KLHL22: variants seen among roughly 807,000 people sequenced by gnomAD.
KLHL22 encodes the protein kelch like family member 22, also known as kelch-like protein 22.
KLHL22 carries 18 observed loss-of-function variants against 60.7 expected under a neutral mutation model. The ratio of observed to expected loss-of-function variants is 0.30; its 90% confidence interval spans 0.20 to 0.44. The LOEUF (loss-of-function observed/expected upper bound fraction) is 0.44, where lower values mean the gene tolerates loss of function less well. KLHL22 is among the 20% of genes least tolerant of loss of function. KLHL22 has a pLI of 1.00. For missense variants in KLHL22, 596 were observed against 852.3 expected, an observed-to-expected ratio of 0.70 and a Z score of 3.74; for synonymous variants, 355 against 354.5, an observed-to-expected ratio of 1.00 and a Z score of -0.01.
chr22:20,451,482 T>C lies in KLHL22; in HGVS notation c.1306-4806A>G, dbSNP rs1396989337. On this transcript the variant is annotated intron_variant, in intron 5 of 6. Coordinates refer to ENST00000328879, the MANE Select transcript of KLHL22 (RefSeq NM_032775.4). ...ACCCTCATACAGGACACTGGACTAA[T>C]GTTACACCAATGGCCACCAAGCGTT... is the stretch of plus-strand genomic sequence containing the variant. 1.9e-6 allele frequency: 3 copies of C among 1,598,988 alleles called. No individual in the cohort carries two copies. The South Asian group carries it at 3.3e-5, about 18-fold the overall frequency.
intron 5 of KLHL22, among the ~76,000 whole-genome samples, chr22:20,452,317 C>G (rs576118875): frequency 6.6e-6 from 1 of 151,744 alleles, no homozygotes; most frequent in African/African-American, 2.4e-5. Flanking sequence ...AGGGGCAACA[C>G]AGTTCCATTC....
chr22:20,446,485 C>T lies in KLHL22; in HGVS notation c.1497G>A (p.Gly499=). ...ATLLNKLYVI[G]GSNNDAGYRR... is the part of the protein sequence containing the mutation. ...TGTATCCGGCATCGTTGTTGCTGCC[C>T]CCGATCACATACAGCTTGTTGAGGA... Residue 499 remains glycine, a synonymous_variant, in exon 6 of 7, where the codon GGG becomes GGA. Coordinates refer to ENST00000328879, the MANE Select transcript of KLHL22 (RefSeq NM_032775.4). 6.2e-7 allele frequency: 1 copy of T among 1,612,536 alleles called. No homozygotes were observed.
chr22:20,489,194 C>CT lies in KLHL22; in HGVS notation c.17dup (p.Phe7ValfsTer135). The CT allele has an allele frequency of 6.2e-7, 1 of 1,614,030 alleles. No homozygotes were observed. Among genetic ancestry groups the CT allele is most frequent in the Non-Finnish European group, 8.5e-7 (1 of 1,179,986 alleles). ...CAGGCAACTTGCAGAGCTGGGTGAA[C>CT]TCCTGCTCCTCTGCCATCCTGACAG... On this transcript the variant is annotated frameshift_variant, in exon 2 of 7. Coordinates refer to ENST00000328879, the MANE Select transcript of KLHL22 (RefSeq NM_032775.4). LOFTEE classifies it high-confidence loss of function.
chr22:20,451,881 G>C, intron 5 of KLHL22: 1 of 1,458,440 alleles, frequency 6.9e-7, no homozygotes, highest in Non-Finnish European at 9.6e-7. Context: ...GTTAGTGGGA[G>C]AATCAAGAAT....
rs9623740 is a variant in KLHL22 at position 20,482,596 on chromosome 22, G to A, written c.227+6389C>T. On this transcript the variant is annotated intron_variant, in intron 2 of 6. Coordinates refer to ENST00000328879, the MANE Select transcript of KLHL22 (RefSeq NM_032775.4). ...TTGTTTTTCTTTTTTTTTTTGAGACGGAGTCTCACTCTGTCGCCCAGGCTG... is the reference window on the plus strand; with the variant it reads ...TTGTTTTTCTTTTTTTTTTTGAGACAGAGTCTCACTCTGTCGCCCAGGCTG... Among the ~76,000 whole-genome samples the A allele has an allele frequency of 5.6e-3, 850 of 151,074 alleles. 8 individuals are homozygous for A. The highest frequency in any genetic ancestry group is 0.019 in the African/African-American group (793 of 41,102).
At chr22:20,449,778 C>A (rs1216677442) in intron 5 of KLHL22, among the ~76,000 whole-genome samples, 3 of 152,178 alleles carry the variant, frequency 2.0e-5, no homozygotes, top group Non-Finnish European at 4.4e-5. Context: ...AGGTGGTTTG[C>A]AAATATTTTT....
At chr22:20,487,574 G>A (rs1170823801) in intron 2 of KLHL22, among the ~76,000 whole-genome samples, 1 of 151,734 alleles carries the variant, frequency 6.6e-6, no homozygotes, top group Non-Finnish European at 1.5e-5. Context: ...AATGACTCTG[G>A]GCTCTTCCAA....
At chr22:20,460,320 C>T (rs1461342076) in intron 4 of KLHL22, among the ~76,000 whole-genome samples, 1 of 152,118 alleles carries the variant, frequency 6.6e-6, no homozygotes, top group Non-Finnish European at 1.5e-5. Flanking sequence ...TTTAAAGACA[C>T]ACACAGGGCC....
intron 2 of KLHL22, chr22:20,484,219 TGGACCTCA>T (rs2053551112): frequency 3.6e-5 from 16 of 441,814 alleles, no homozygotes; most frequent in South Asian, 2.9e-4. Flanking sequence ...TCTCCAACTC[TGGACCTCA>T]GGTGATCCAC....
At chr22:20,487,855 G>A (rs1196054730) in intron 2 of KLHL22, among the ~76,000 whole-genome samples, 6 of 152,126 alleles carry the variant, frequency 3.9e-5, no homozygotes, top group Non-Finnish European at 8.8e-5. Context: ...GAGCCCAGGG[G>A]ATCCCATAGG....
At chr22:20,450,516 T>C (rs867399199) in intron 5 of KLHL22, 6 of 1,614,056 alleles carry the variant, frequency 3.7e-6, no homozygotes, top group Middle Eastern at 1.6e-4. Flanking sequence ...TGGACCCTTC[T>C]AATTGCCTGG....
At chr22:20,478,046 G>A (rs2053441289) in intron 2 of KLHL22, among the ~76,000 whole-genome samples, 1 of 152,084 alleles carries the variant, frequency 6.6e-6, no homozygotes, top group Non-Finnish European at 1.5e-5. Flanking sequence ...TTTAAGCCAA[G>A]AGCACAGTTG....
At chr22:20,488,627 G>A (rs2053626441) in intron 2 of KLHL22, 1 of 272,486 alleles carries the variant, frequency 3.7e-6, no homozygotes, top group Admixed American at 5.5e-5. Context: ...AGAGGTGTGA[G>A]CCAGAAGGTG....
intron 5 of KLHL22, chr22:20,450,741 G>A (rs2052963634): frequency 7.6e-7 from 1 of 1,319,800 alleles, no homozygotes; most frequent in Non-Finnish European, 1.1e-6. Context: ...AGCATGCCAA[G>A]AAAGAGCAGA....
chr22:20,450,860 G>C, intron 5 of KLHL22: 1 of 1,609,718 alleles, frequency 6.2e-7, no homozygotes, highest in East Asian at 2.2e-5. Context: ...GGTTTACAAT[G>C]CAGGGATCTG....
In KLHL22 at chr22:20,441,944, A is replaced by G; in HGVS notation, c.*129T>C. The stretch of plus-strand genomic sequence containing the variant: ...AGGGGCTGGTGTGAAGAAAGAGGGC[A>G]GGGCCCATAAGCTGTGGCCAACAGG... On this transcript the variant is annotated 3_prime_UTR_variant, in exon 7 of 7. Coordinates refer to ENST00000328879, the MANE Select transcript of KLHL22 (RefSeq NM_032775.4). 1.1e-6 allele frequency: 1 copy of G among 907,506 alleles called. No homozygotes were observed. Among genetic ancestry groups the G allele is most frequent in the Non-Finnish European group, 1.6e-6 (1 of 632,914 alleles). The allele number at this position is 907,506 out of a possible 1,614,324, so 56.2% of individuals were successfully genotyped here.
chr22:20,490,186 C>A (rs1035530239), intron 1 of KLHL22, among the ~76,000 whole-genome samples: 50 of 152,332 alleles, frequency 3.3e-4, no homozygotes, highest in African/African-American at 1.1e-3. Flanking sequence ...TCTTCTCCAC[C>A]TCACTTCATC....
chr22:20,466,242 C>T (rs1044548682), intron 3 of KLHL22, among the ~76,000 whole-genome samples: 11 of 151,718 alleles, frequency 7.3e-5, no homozygotes, highest in African/African-American at 2.7e-4. Flanking sequence ...GGCGTGGTGG[C>T]GCGCGCCTGT....
intron 5 of KLHL22, chr22:20,450,607 G>A (rs890012462): frequency 6.2e-7 from 1 of 1,601,150 alleles, no homozygotes; most frequent in African/African-American, 1.3e-5. Flanking sequence ...GAATTTTCCT[G>A]AAGTGGTACA....
Sources: allele counts gnomAD v4.1 joint callset (sites outside exome capture counted in the v4.1 genomes callset), GRCh38; gene constraint gnomAD v4.1.1; transcripts MANE v1.5; gene names NCBI Gene and HGNC (gene_info 2026-07-23, HGNC 2026-07-21).